Variants in PCDHGB1 observed in about 807,000 individuals in gnomAD.
The protein encoded by PCDHGB1 is protocadherin gamma subfamily B, 1.
PCDHGB1 carries 34 observed loss-of-function variants against 56.6 expected under a neutral mutation model. The ratio of observed to expected loss-of-function variants is 0.60; its 90% CI spans 0.46 to 0.80. The LOEUF (loss-of-function observed/expected upper bound fraction) is 0.80. PCDHGB1 is among the 30% of genes least tolerant of loss of function. PCDHGB1 has a pLI of 0.00. For missense variants in PCDHGB1, 1,278 were observed against 1,204.6 expected, an observed-to-expected ratio of 1.06 and a Z score of -0.90; for synonymous variants, 561 against 505.9, an observed-to-expected ratio of 1.11 and a Z score of -1.46.
intron 1 of PCDHGB1, chr5:141,371,927 C>T (rs750914672): frequency 1.9e-6 from 3 of 1,613,208 alleles, no homozygotes. Context: ...GCGCGCGGAG[C>T]GGGGTGGTGT....
intron 1 of PCDHGB1, chr5:141,393,317 G>C (rs927337267): frequency 6.2e-7 from 1 of 1,612,904 alleles, no homozygotes; most frequent in South Asian, 1.1e-5. Flanking sequence ...ACTCCCTCCA[G>C]AGCTACCAGC....
intron 1 of PCDHGB1, chr5:141,387,654 G>A: frequency 1.6e-6 from 1 of 644,700 alleles, no homozygotes. Context: ...AAAGTGGAGA[G>A]CTTGGCGCTC....
At chr5:141,510,335 AC>A (rs1247622083) in intron 3 of PCDHGB1, among the ~76,000 whole-genome samples, 1 of 149,138 alleles carries the variant, frequency 6.7e-6, no homozygotes, top group African/African-American at 2.5e-5. Context: ...CTTCACCCCC[AC>A]CCCACACACT....
chr5:141,460,289 T>C, intron 1 of PCDHGB1, among the ~76,000 whole-genome samples: 1 of 152,148 alleles, frequency 6.6e-6, no homozygotes, highest in East Asian at 1.9e-4. Context: ...TTTGTATTTC[T>C]TATGTCCTAT....
At chr5:141,456,647 C>G (rs773458307) in intron 1 of PCDHGB1, among the ~76,000 whole-genome samples, 2 of 152,152 alleles carry the variant, frequency 1.3e-5, no homozygotes, top group African/African-American at 4.8e-5. Context: ...AGGTGTTAAT[C>G]CCAAAGAAGC....
At chr5:141,394,885 T>C (rs769027830) in intron 1 of PCDHGB1, 1 of 1,613,758 alleles carries the variant, frequency 6.2e-7, no homozygotes. Context: ...AGCCTTACAC[T>C]CTATCTCGTG....
At position 141,432,394 on chromosome 5, in the gene PCDHGB1, C is replaced by G; in HGVS notation, c.2410-62413C>G. 1 of 1,614,260 alleles carries G rather than the reference C, an allele frequency of 6.2e-7. No individual in the cohort carries two copies. The highest frequency in any genetic ancestry group is 8.5e-7 in the Non-Finnish European group (1 of 1,180,050). On this transcript the variant is annotated intron_variant, in intron 1 of 3. Transcript: ENST00000523390. This position sits in a 1 kb window ranked among gnomAD's most constrained non-coding sequence, Gnocchi z 6.0. The stretch of plus-strand genomic sequence containing the variant: ...ACGGGCACCCGCCCCTCAGCAGCAA[C>G]GTGTCGTTGAGCCTGTTCGTGCTGG...
At chr5:141,392,806 A>C (rs2092599321) in intron 1 of PCDHGB1, 1 of 1,576,662 alleles carries the variant, frequency 6.3e-7, no homozygotes, top group Non-Finnish European at 8.6e-7. Flanking sequence ...TTCTGCAGCA[A>C]AACAACAATG....
intron 1 of PCDHGB1, among the ~76,000 whole-genome samples, chr5:141,457,904 T>C (rs960822555): frequency 6.0e-5 from 9 of 150,288 alleles, no homozygotes; most frequent in African/African-American, 2.2e-4. Context: ...GTAGACAAGG[T>C]GTGAGGCCAG....
chr5:141,436,068 T>A (rs1343785335), intron 1 of PCDHGB1, among the ~76,000 whole-genome samples: 1 of 152,190 alleles, frequency 6.6e-6, no homozygotes, highest in Non-Finnish European at 1.5e-5. Flanking sequence ...ATTTAATAAG[T>A]ACAGTGTTCT....
At chr5:141,504,065 G>C (rs1291060280) in intron 2 of PCDHGB1, among the ~76,000 whole-genome samples, 2 of 152,060 alleles carry the variant, frequency 1.3e-5, no homozygotes, top group African/African-American at 2.4e-5. Context: ...AAACTTCTCT[G>C]AGCCAGATGG....
chr5:141,510,994 G>A lies in PCDHGB1; in HGVS notation c.2605G>A (p.Gly869Arg). ...CCTGGGAGGGGGTGCCGGCACCATG[G>A]GATTGAGCGCCCGCTACGGACCCCA... ...STLGGGAGTM[G>R]LSARYGPQFT... The change falls in exon 4 of 4, where the codon GGA becomes AGA. Residue 869 changes from glycine to arginine, a missense_variant. Physicochemically the swap from Gly to Arg is moderately radical, Grantham distance 125 (BLOSUM62 -2). Transcript: ENST00000523390. 1 of 1,614,168 alleles carries A rather than the reference G, an allele frequency of 6.2e-7. No homozygotes were observed. Among genetic ancestry groups the A allele is most frequent in the Non-Finnish European group, 8.5e-7 (1 of 1,180,022 alleles).
At position 141,350,705 on chromosome 5, in the gene PCDHGB1, T is replaced by A; in HGVS notation, c.445T>A (p.Phe149Ile). The change falls in exon 1 of 4, where the codon TTC (phenylalanine) becomes ATC (isoleucine). Residue 149 changes from phenylalanine to isoleucine, a missense_variant. Physicochemically the swap from Phe to Ile is conservative, Grantham distance 21 (BLOSUM62 0). Transcript: ENST00000523390. ...ICESALPGVK[F>I]SLDSAQDADV... ...TGAGTCAGCCTTACCCGGGGTAAAA[T>A]TCTCTCTGGATTCTGCTCAAGATGC... 6.2e-7 allele frequency: 1 copy of A among 1,613,940 alleles called. No individual in the cohort carries two copies. Among genetic ancestry groups the A allele is most frequent in the Non-Finnish European group, 8.5e-7 (1 of 1,179,894 alleles).
chr5:141,387,766 T>G, intron 1 of PCDHGB1: 1 of 1,434,120 alleles, frequency 7.0e-7, no homozygotes, highest in Non-Finnish European at 9.3e-7. Context: ...AAAGAAGAAT[T>G]TTTTCTTGAA....
chr5:141,456,984 C>G (rs374156327), intron 1 of PCDHGB1, among the ~76,000 whole-genome samples: 1 of 152,200 alleles, frequency 6.6e-6, no homozygotes, highest in East Asian at 1.9e-4. Flanking sequence ...AACAAACAAA[C>G]AAACAAAAAC....
intron 1 of PCDHGB1, among the ~76,000 whole-genome samples, chr5:141,462,218 C>T (rs2099034952): frequency 6.6e-6 from 1 of 152,180 alleles, no homozygotes; most frequent in African/African-American, 2.4e-5. Context: ...CCTCGGCCTC[C>T]CAAAGTGCAG....
intron 1 of PCDHGB1, chr5:141,421,800 G>T (rs995129799): frequency 1.2e-6 from 2 of 1,613,728 alleles, no homozygotes. Flanking sequence ...ATGGGGCCAA[G>T]AATCCAGAGC....
chr5:141,374,291 G>C, intron 1 of PCDHGB1: 1 of 1,613,976 alleles, frequency 6.2e-7, no homozygotes. Context: ...CGTCTCCAGA[G>C]GTAGGATGCA....
At chr5:141,465,887 C>A (rs1267304672) in intron 1 of PCDHGB1, among the ~76,000 whole-genome samples, 1 of 152,040 alleles carries the variant, frequency 6.6e-6, no homozygotes, top group Non-Finnish European at 1.5e-5. Flanking sequence ...CTTTGGGAGG[C>A]CGAGGCGGGC....
Sources: allele counts gnomAD v4.1 joint callset (sites outside exome capture counted in the v4.1 genomes callset), GRCh38; gene constraint gnomAD v4.1.1; non-coding constraint Gnocchi (gnomAD v3.1); transcripts MANE v1.5; gene names NCBI Gene and HGNC (gene_info 2026-07-23, HGNC 2026-07-21).